Variants in RAB43 observed in about 807,000 individuals in gnomAD.
RAB43 encodes RAB43, member RAS oncogene family.
Under a neutral mutation model 18.8 loss-of-function variants are expected in RAB43, and 6 were observed. The ratio of observed to expected loss-of-function variants is 0.32; its 90% CI spans 0.17 to 0.63. RAB43 has a LOEUF of 0.63. RAB43 is among the 30% of genes least tolerant of loss of function. The pLI, the probability that RAB43 is intolerant of heterozygous loss-of-function variation, is 0.79. For synonymous variants in RAB43, 103 were observed against 124.1 expected, an observed-to-expected ratio of 0.83 and a Z score of 1.13; for missense variants, 195 against 289.1, an observed-to-expected ratio of 0.67 and a Z score of 2.36.
At chr3:129,114,053 T>C (rs1295452326) in intron 1 of RAB43, among the ~76,000 whole-genome samples, 1 of 151,746 alleles carries the variant, frequency 6.6e-6, no homozygotes, top group Non-Finnish European at 1.5e-5. Context: ...AAAAGAAAGA[T>C]CTGGTATGTA....
At chr3:129,100,105 G>A (rs1049879333) in intron 1 of RAB43, among the ~76,000 whole-genome samples, 2 of 152,044 alleles carry the variant, frequency 1.3e-5, no homozygotes, top group Non-Finnish European at 2.9e-5. Flanking sequence ...GAATAAAGGG[G>A]AAATATGAAA....
At position 129,096,299 on chromosome 3, in the gene RAB43, C is replaced by A. The variant is rs186194491; in HGVS notation, c.205-1130G>T. Reference sequence around the variant, plus strand: ...GACCACCATTGCCCCAGCCCCAACACAGAAGTCTGAGAGTGAAAGCTCTGG... The same window carrying A: ...GACCACCATTGCCCCAGCCCCAACAAAGAAGTCTGAGAGTGAAAGCTCTGG... On this transcript the variant is annotated intron_variant, in intron 1 of 2. Transcript: ENST00000315150. 4.6e-3 allele frequency among the ~76,000 whole-genome samples: 703 copies of A among 152,364 alleles called. 4 individuals carry two copies. The highest frequency in any genetic ancestry group is 4.9e-3 in the Non-Finnish European group (334 of 68,040).
chr3:129,115,475 G>A (rs1042508320), intron 1 of RAB43, among the ~76,000 whole-genome samples: 1 of 151,018 alleles, frequency 6.6e-6, no homozygotes, highest in Non-Finnish European at 1.5e-5. Context: ...TTGCACTCCA[G>A]CCTGGGCAAC....
At chr3:129,100,356 C>G (rs1306386880) in intron 1 of RAB43, among the ~76,000 whole-genome samples, 7 of 152,156 alleles carry the variant, frequency 4.6e-5, no homozygotes, top group Non-Finnish European at 2.9e-5. Context: ...TGGAAAAAAG[C>G]TGCCCTGCAA....
intron 1 of RAB43, among the ~76,000 whole-genome samples, chr3:129,115,496 C>T (rs1158406865): frequency 1.3e-5 from 2 of 149,764 alleles, no homozygotes; most frequent in Non-Finnish European, 1.5e-5. Context: ...AAGAGCGAAA[C>T]CCCGTCTCAA....
chr3:129,096,497 C>T (rs1286057199), intron 1 of RAB43, among the ~76,000 whole-genome samples: 1 of 152,222 alleles, frequency 6.6e-6, no homozygotes, highest in Non-Finnish European at 1.5e-5. Context: ...GCCTGGGATC[C>T]AGATAACCTC....
rs73212412 is a variant in RAB43 at position 129,095,306 on chromosome 3, C to T, written c.205-137G>A. ...CCTTCTGAGTCCTTAGAAAGCAACT[C>T]AATGGCTCAACCTTGTTGGAAAAAT... is the stretch of plus-strand genomic sequence containing the variant. On this transcript the variant is annotated intron_variant, in intron 1 of 2. Coordinates refer to ENST00000315150, the MANE Select transcript of RAB43 (RefSeq NM_198490.3). The surrounding 1 kb of genome is among the most constrained non-coding windows in gnomAD (Gnocchi z 4.2). 11 of 1,247,688 alleles carry T rather than the reference C, an allele frequency of 8.8e-6. No homozygotes were observed. Among genetic ancestry groups the T allele is most frequent in the Non-Finnish European group, 1.2e-5 (11 of 921,536 alleles). The allele number at this position is 1,247,688 out of a possible 1,614,324, so 77.3% of individuals were successfully genotyped here. A position where few individuals can be genotyped will look rare whatever the true frequency, so the allele number is the denominator to read the frequency against.
intron 2 of RAB43, among the ~76,000 whole-genome samples, chr3:129,094,726 C>T (rs1434030215): frequency 6.6e-6 from 1 of 151,516 alleles, no homozygotes; most frequent in Non-Finnish European, 1.5e-5. Flanking sequence ...ACTGTGTTAG[C>T]CAGGATGATC....
chr3:129,099,677 C>A (rs976013469), intron 1 of RAB43, among the ~76,000 whole-genome samples: 1 of 152,160 alleles, frequency 6.6e-6, no homozygotes, highest in Non-Finnish European at 1.5e-5. Context: ...TGAGCCACTG[C>A]GCCCAGCCTA....
chr3:129,108,972 C>T (rs745448743), intron 1 of RAB43, among the ~76,000 whole-genome samples: 58 of 150,994 alleles, frequency 3.8e-4, no homozygotes, highest in Non-Finnish European at 7.2e-4. Flanking sequence ...CGAGTCCCCA[C>T]ATTTCTAGCT....
Position 129,090,198 on chromosome 3 carries a change from G to A in RAB43, c.*898C>T, listed in dbSNP as rs1933555125. 6.6e-6 allele frequency: 1 copy of A among 151,958 alleles called. No homozygotes were observed. Among genetic ancestry groups the A allele is most frequent in the African/African-American group, 2.4e-5 (1 of 41,334 alleles). 9.4% of individuals were successfully genotyped at this position (151,958 alleles called of 1,614,324 possible). ...GACTGGGACCCACGCTCGGCTGGCA[G>A]GATTCCTGCTTGTGGGGTAAGGCTG... On this transcript the variant is annotated 3_prime_UTR_variant, in exon 3 of 3. Coordinates refer to ENST00000315150, the MANE Select transcript of RAB43 (RefSeq NM_198490.3).
intron 1 of RAB43, among the ~76,000 whole-genome samples, chr3:129,111,619 C>T (rs1413510882): frequency 6.6e-6 from 1 of 151,450 alleles, no homozygotes; most frequent in Non-Finnish European, 1.5e-5. Flanking sequence ...ATGCAGCCAA[C>T]ACATGTTGAG....
At chr3:129,116,772 T>C (rs1235466627) in intron 1 of RAB43, among the ~76,000 whole-genome samples, 1 of 152,162 alleles carries the variant, frequency 6.6e-6, no homozygotes, top group Non-Finnish European at 1.5e-5. Context: ...AATAGAGGGG[T>C]ACAGTTCCAT....
At chr3:129,114,774 A>C (rs1201733784) in intron 1 of RAB43, among the ~76,000 whole-genome samples, 2 of 152,180 alleles carry the variant, frequency 1.3e-5, no homozygotes, top group Non-Finnish European at 2.9e-5. Flanking sequence ...AAGGTGGTAA[A>C]GGCCTTGTGT....
chr3:129,113,539 C>G (rs1212765133), intron 1 of RAB43, among the ~76,000 whole-genome samples: 2 of 152,154 alleles, frequency 1.3e-5, no homozygotes, highest in South Asian at 4.1e-4. Flanking sequence ...TGGTCATTCA[C>G]GAGCACAGGT....
chr3:129,089,874 G>A lies in RAB43; in HGVS notation c.*1222C>T, dbSNP rs1933532411. The A allele has an allele frequency of 7.4e-6, 1 of 134,550 alleles. No individual in the cohort carries two copies. The highest frequency in any genetic ancestry group is 7.7e-5 in the Admixed American group (1 of 13,044). The allele number at this position is 134,550 out of a possible 1,614,324, so 8.3% of individuals were successfully genotyped here. A position where few individuals can be genotyped will look rare whatever the true frequency, so the allele number is the denominator to read the frequency against. ...GTGGGTCCAAGAGCTGCTTACTTCT[G>A]GGGGCACCCATGCTGAGGGGGCTGC... is the stretch of plus-strand genomic sequence containing the variant. On this transcript the variant is annotated 3_prime_UTR_variant, in exon 3 of 3. Coordinates refer to ENST00000315150, the MANE Select transcript of RAB43 (RefSeq NM_198490.3).
At chr3:129,100,806 T>A (rs1934364134) in intron 1 of RAB43, among the ~76,000 whole-genome samples, 1 of 152,160 alleles carries the variant, frequency 6.6e-6, no homozygotes, top group Non-Finnish European at 1.5e-5. Context: ...TAAAACTTCA[T>A]TCTGTTTTTC....
At chr3:129,110,324 G>T (rs1200174071) in intron 1 of RAB43, among the ~76,000 whole-genome samples, 3 of 152,202 alleles carry the variant, frequency 2.0e-5, no homozygotes, top group African/African-American at 7.2e-5. Flanking sequence ...AATGGGGAAA[G>T]AGTATGCTTC....
At chr3:129,102,630 C>A (rs868010787) in intron 1 of RAB43, among the ~76,000 whole-genome samples, 34 of 68,216 alleles carry the variant, frequency 5.0e-4, no homozygotes, top group East Asian at 1.2e-3. Context: ...GACTCCATCT[C>A]AAAAAAAAAA....
Sources: gnomAD v4.1 joint callset for allele counts (sites outside exome capture counted in the v4.1 genomes callset) on GRCh38, gnomAD v4.1.1 for gene constraint, Gnocchi (gnomAD v3.1) non-coding constraint, MANE v1.5 for transcripts, NCBI Gene and HGNC (gene_info 2026-07-23, HGNC 2026-07-21) for gene names.